GRID1: variants seen among roughly 807,000 people sequenced by gnomAD.
The protein encoded by GRID1 is glutamate ionotropic receptor delta type subunit 1, also known as glutamate receptor ionotropic, delta-1.
A neutral mutation model predicts 98.0 loss-of-function variants in GRID1; 28 were observed. The observed-to-expected ratio is 0.29, with a 90% confidence interval of 0.21 to 0.39. GRID1 has a LOEUF of 0.39. GRID1 is among the 10% of genes least tolerant of loss of function. The pLI is 1.00. For synonymous variants in GRID1, 553 were observed against 538.5 expected, an observed-to-expected ratio of 1.03 and a Z score of -0.37; for missense variants, 1,111 against 1,340.5, an observed-to-expected ratio of 0.83 and a Z score of 2.67.
chr10:85,672,492 G>A (rs1841097770), intron 12 of GRID1, among the ~76,000 whole-genome samples: 1 of 152,100 alleles, frequency 6.6e-6, no homozygotes, highest in African/African-American at 2.4e-5. Flanking sequence ...ATTTTCAGTT[G>A]AGATTGGGTT....
chr10:86,222,955 C>T (rs778677574), intron 2 of GRID1, among the ~76,000 whole-genome samples: 25 of 152,178 alleles, frequency 1.6e-4, no homozygotes, highest in Non-Finnish European at 3.2e-4. Context: ...CCCCCCTCCA[C>T]AGCAAGCTCA....
intron 5 of GRID1, among the ~76,000 whole-genome samples, chr10:85,879,030 T>C (rs576209936): frequency 0.056 from 8,379 of 149,238 alleles, 262 homozygotes; most frequent in African/African-American, 0.063. Context: ...AAGAAGGCCA[T>C]TACATGATGG....
intron 2 of GRID1, among the ~76,000 whole-genome samples, chr10:86,362,058 G>A (rs1429246480): frequency 6.6e-6 from 1 of 152,232 alleles, no homozygotes; most frequent in Non-Finnish European, 1.5e-5. Context: ...CAACAGAGGT[G>A]TGTCACCAGA....
chr10:85,618,134 A>AT (rs1842813921), intron 14 of GRID1, among the ~76,000 whole-genome samples: 1 of 152,158 alleles, frequency 6.6e-6, no homozygotes, highest in Non-Finnish European at 1.5e-5. Context: ...TCCTGGACTA[A>AT]TGTCTGCTGC....
At chr10:86,094,272 T>C (rs958003638) in intron 4 of GRID1, among the ~76,000 whole-genome samples, 2 of 152,190 alleles carry the variant, frequency 1.3e-5, no homozygotes, top group African/African-American at 2.4e-5. Context: ...AAGCATTCCC[T>C]CTGAGAACTG....
chr10:86,098,933 CT>C (rs1341504110), intron 4 of GRID1, among the ~76,000 whole-genome samples: 1 of 152,194 alleles, frequency 6.6e-6, no homozygotes, highest in Admixed American at 6.5e-5. Flanking sequence ...TTGATGCCCA[CT>C]TGAAATAATA....
chr10:86,182,847 G>C (rs534118140), intron 3 of GRID1, among the ~76,000 whole-genome samples: 22 of 152,284 alleles, frequency 1.4e-4, no homozygotes, highest in Admixed American at 1.2e-3. Flanking sequence ...AGTCTTTGCA[G>C]ACCATAAGGG....
intron 4 of GRID1, among the ~76,000 whole-genome samples, chr10:85,972,552 T>C (rs1842422562): frequency 1.3e-5 from 2 of 151,328 alleles, no homozygotes; most frequent in South Asian, 4.2e-4. Context: ...TCAATACTCA[T>C]GATCATATCA....
At chr10:85,610,672 G>C (rs1842722399) in intron 15 of GRID1, among the ~76,000 whole-genome samples, 1 of 152,200 alleles carries the variant, frequency 6.6e-6, no homozygotes, top group Non-Finnish European at 1.5e-5. Flanking sequence ...TCAATGAGTG[G>C]AGACTGCTGG....
intron 5 of GRID1, among the ~76,000 whole-genome samples, chr10:85,902,003 T>C (rs1841396076): frequency 2.0e-5 from 3 of 152,258 alleles, no homozygotes; most frequent in South Asian, 4.1e-4. Flanking sequence ...GTATTCCTCA[T>C]GGGACATACA....
intron 6 of GRID1, among the ~76,000 whole-genome samples, chr10:85,856,976 C>T (rs930691073): frequency 1.3e-5 from 2 of 152,138 alleles, no homozygotes; most frequent in South Asian, 2.1e-4. Context: ...GGGAGAAGGA[C>T]GCCTTTGTTG....
rs116427538 is a variant in GRID1, at chr10:86,348,000, T to C, written c.235+15941A>G. On this transcript the variant is annotated intron_variant, in intron 2 of 15. Coordinates refer to ENST00000327946, the MANE Select transcript of GRID1 (RefSeq NM_017551.3). Reference sequence around the variant, plus strand: ...TGGTCCCAGTGGGGACCTCCCAGCATATCTAGACAGGCTCCCCCAGGAAGG... The same window carrying C: ...TGGTCCCAGTGGGGACCTCCCAGCACATCTAGACAGGCTCCCCCAGGAAGG... Among the ~76,000 whole-genome samples the C allele has an allele frequency of 7.7e-3, 1,179 of 152,156 alleles. 17 individuals carry two copies. The highest frequency in any genetic ancestry group is 0.027 in the African/African-American group (1,115 of 41,506).
chr10:85,892,803 TA>T (rs1171174128), intron 5 of GRID1, among the ~76,000 whole-genome samples: 2 of 152,098 alleles, frequency 1.3e-5, no homozygotes, highest in Non-Finnish European at 2.9e-5. Flanking sequence ...ATACCAATTT[TA>T]CACAAACACT....
At chr10:85,943,493 A>C (rs1049316952) in intron 4 of GRID1, among the ~76,000 whole-genome samples, 14 of 152,220 alleles carry the variant, frequency 9.2e-5, no homozygotes, top group African/African-American at 3.1e-4. Context: ...AATACCATAA[A>C]GCAAAAAGAT....
At chr10:85,611,439 G>C (rs940365768) in intron 15 of GRID1, among the ~76,000 whole-genome samples, 3 of 152,138 alleles carry the variant, frequency 2.0e-5, no homozygotes, top group African/African-American at 7.2e-5. Context: ...AGCTGCCCAG[G>C]AAGACAAATT....
chr10:86,321,529 A>C (rs750005855), intron 2 of GRID1, among the ~76,000 whole-genome samples: 4 of 152,240 alleles, frequency 2.6e-5, no homozygotes, highest in Non-Finnish European at 5.9e-5. Flanking sequence ...GAATGCTTGC[A>C]AGGCAGAAGG....
intron 8 of GRID1, among the ~76,000 whole-genome samples, chr10:85,743,213 C>T (rs551712236): frequency 1.5e-4 from 23 of 148,868 alleles, no homozygotes; most frequent in South Asian, 4.3e-4. Flanking sequence ...ACCTGTGGGT[C>T]CCACATGGAT....
chr10:85,814,376 TAAGTA>T (rs769073564), intron 8 of GRID1, among the ~76,000 whole-genome samples: 2 of 150,330 alleles, frequency 1.3e-5, no homozygotes, highest in Non-Finnish European at 2.9e-5. Flanking sequence ...GTTTCTAACT[TAAGTA>T]ATTAGAGAAA....
At chr10:86,295,535 C>T (rs983506329) in intron 2 of GRID1, among the ~76,000 whole-genome samples, 12 of 152,124 alleles carry the variant, frequency 7.9e-5, no homozygotes, top group Admixed American at 5.2e-4. Flanking sequence ...CTCTGCTGCT[C>T]GGGGCTGTGG....
Sources: gnomAD v4.1 joint callset for allele counts (sites outside exome capture counted in the v4.1 genomes callset) on GRCh38, gnomAD v4.1.1 for gene constraint, MANE v1.5 for transcripts, NCBI Gene and HGNC (gene_info 2026-07-23, HGNC 2026-07-21) for gene names.